The following MYO10 variants were observed in gnomAD, a reference collection of about 807,000 sequenced individuals.
MYO10 encodes the protein myosin X.
MYO10 carries 133 observed loss-of-function variants against 257.3 expected under a neutral mutation model. That is an observed-to-expected ratio of 0.52 (90% CI 0.45 to 0.60). The LOEUF is 0.60. MYO10 is among the 20% of genes least tolerant of loss of function. MYO10 has a pLI of 0.00. For synonymous variants in MYO10, 1,104 were observed against 1,028.6 expected (o/e 1.07, Z -1.40); for missense variants, 2,399 against 2,635.7 (o/e 0.91, Z 1.97).
chr5:16,806,273 G>T (rs976462321), intron 3 of MYO10, among the ~76,000 whole-genome samples: 2 of 151,068 alleles, frequency 1.3e-5, no homozygotes, highest in Non-Finnish European at 2.9e-5. Context: ...TCGGGAGGTG[G>T]AGGTTGCAGT....
intron 40 of MYO10, among the ~76,000 whole-genome samples, chr5:16,667,317 T>G: frequency 6.6e-6 from 1 of 152,278 alleles, no homozygotes; most frequent in East Asian, 1.9e-4. Flanking sequence ...CTCCTCCAGC[T>G]GGGATCTCCA....
chr5:16,694,532 G>T lies in MYO10; in HGVS notation c.3639C>A (p.Ala1213=). ...TFLWFRSKQE[A]LKQGWLHKKG... ...TTTTGTGGAGCCAGCCTTGCTTGAG[G>T]GCCTCCTGCTTGGAGCGGAACCACA... The change falls in exon 27 of 41, where the codon GCC becomes GCA. Residue 1213 remains alanine, a synonymous_variant. Coordinates refer to ENST00000513610, the MANE Select transcript of MYO10 (RefSeq NM_012334.3). 6.2e-7 allele frequency: 1 copy of T among 1,613,982 alleles called. No homozygotes were observed. Among genetic ancestry groups the T allele is most frequent in the Non-Finnish European group, 8.5e-7 (1 of 1,179,900 alleles).
chr5:16,779,244 T>G (rs535345466), intron 9 of MYO10, among the ~76,000 whole-genome samples: 53 of 151,652 alleles, frequency 3.5e-4, no homozygotes, highest in African/African-American at 1.3e-3. Flanking sequence ...ATTTGGGGGG[T>G]TTTTTGGGGG....
intron 33 of MYO10, among the ~76,000 whole-genome samples, chr5:16,679,355 C>T (rs997163478): frequency 2.0e-5 from 3 of 152,208 alleles, no homozygotes; most frequent in Non-Finnish European, 4.4e-5. Flanking sequence ...GTGCAAGCTG[C>T]AGACCTCATC....
At position 16,701,492 on chromosome 5, in the gene MYO10, G is replaced by A. The variant is rs759815897; in HGVS notation, c.2903C>T (p.Ser968Phe). Reference protein sequence around the residue: ...ERSLSVGSEFSSELAESACEE... With the variant: ...ERSLSVGSEFFSELAESACEE... The stretch of plus-strand genomic sequence containing the variant: ...GCATGCGCTCTCAGCCAGCTCGCTG[G>A]AAAATTCGCTTCCCACCGACAGGGA... The change falls in exon 25 of 41, where the codon TCC (serine) becomes TTC (phenylalanine). Residue 968 changes from serine to phenylalanine, a missense_variant. Around this residue, in one of 3 missense-constraint regions of MYO10, gnomAD observed 1,820 missense variants for 1,939.4 expected, o/e 0.94. Transcript: ENST00000513610. This position sits in a 1 kb window ranked among gnomAD's most constrained non-coding sequence, Gnocchi z 8.1. 2 of 1,613,912 alleles carry A rather than the reference G, an allele frequency of 1.2e-6. No individual in the cohort carries two copies. The highest frequency in any genetic ancestry group is 1.7e-6 in the Non-Finnish European group (2 of 1,179,876).
At chr5:16,673,399 C>A (rs1179121847) in intron 36 of MYO10, among the ~76,000 whole-genome samples, 1 of 152,138 alleles carries the variant, frequency 6.6e-6, no homozygotes, top group African/African-American at 2.4e-5. Flanking sequence ...AGTGGCTGGA[C>A]CTGAGCCAGG....
intron 9 of MYO10, among the ~76,000 whole-genome samples, chr5:16,772,646 C>A (rs946412922): frequency 6.6e-6 from 1 of 152,196 alleles, no homozygotes; most frequent in Non-Finnish European, 1.5e-5. Context: ...CATGAACATT[C>A]TATTCTATCA....
rs537047182 is a variant in MYO10 at position 16,673,984 on chromosome 5, T to C, written c.4965-95A>G. The C allele has an allele frequency of 1.3e-4, 139 of 1,070,144 alleles. No individual in the cohort carries two copies. The African/African-American group carries it at 2.0e-3, about 16-fold the overall frequency. The allele number at this position is 1,070,144 out of a possible 1,614,324, so 66.3% of individuals were successfully genotyped here. On this transcript the variant is annotated intron_variant, in intron 35 of 40. Coordinates refer to ENST00000513610, the MANE Select transcript of MYO10 (RefSeq NM_012334.3). ...GCCAAGGTTCTGTAGACCAAAGCAG[T>C]GAATGGTCCCCCACTGGTGAATGGA...
At chr5:16,677,765 C>CTT (rs10639073) in intron 33 of MYO10, among the ~76,000 whole-genome samples, 40,360 of 146,480 alleles carry the variant, frequency 0.28, 5,450 homozygotes, top group South Asian at 0.32. Context: ...CATATTTACT[C>CTT]TTTTTTTTTT....
At chr5:16,748,035 T>C (rs1219352487) in intron 19 of MYO10, among the ~76,000 whole-genome samples, 1 of 151,048 alleles carries the variant, frequency 6.6e-6, no homozygotes, top group Non-Finnish European at 1.5e-5. Context: ...AAGAAATGTG[T>C]CACATTATCA....
At chr5:16,924,961 G>C (rs1746091260) in intron 1 of MYO10, among the ~76,000 whole-genome samples, 1 of 150,782 alleles carries the variant, frequency 6.6e-6, no homozygotes, top group Non-Finnish European at 1.5e-5. Context: ...CTCCCAAATA[G>C]CTGGGACTAC....
chr5:16,710,774 G>T, intron 21 of MYO10, 134 bp downstream of exon 21: 2 of 722,180 alleles, frequency 2.8e-6, no homozygotes, highest in Non-Finnish European at 4.6e-6. Flanking sequence ...GGTTATGGTA[G>T]GCATGGCAAC....
intron 37 of MYO10, among the ~76,000 whole-genome samples, chr5:16,672,119 A>G (rs1736494886): frequency 6.6e-6 from 1 of 152,074 alleles, no homozygotes. Context: ...ACATGGCCAA[A>G]CCCCATCTGT....
At position 16,754,842 on chromosome 5, in the gene MYO10, G is replaced by C; in HGVS notation, c.1915C>G (p.Pro639Ala). 1 of 1,603,170 alleles carries C rather than the reference G, an allele frequency of 6.2e-7. No homozygotes were observed. The change falls in exon 19 of 41, where the codon CCA (proline) becomes GCA (alanine). Residue 639 changes from proline to alanine, a missense_variant. Physicochemically the swap from Pro to Ala is conservative, Grantham distance 27. This residue lies in a region of MYO10 where 1,820 missense variants were observed against 1,939.4 expected (regional missense o/e 0.94). Transcript: ENST00000513610. Reference protein sequence around the residue: ...SNPFFVRCIKPNMQKMPDQFD... With the variant: ...SNPFFVRCIKANMQKMPDQFD... The stretch of plus-strand genomic sequence containing the variant: ...ATCAATCTTACCTTCTGCATGTTTG[G>C]CTTGATACAGCGAACAAAGAAAGGA...
At chr5:16,768,931 C>T in intron 10 of MYO10, 143 bp downstream of exon 10, 1 of 1,048,744 alleles carries the variant, frequency 9.5e-7, no homozygotes, top group Non-Finnish European at 1.3e-6. Context: ...CCGCCTCCAC[C>T]TCCCAAAGTG....
chr5:16,710,118 T>C (rs1738529640), intron 21 of MYO10, among the ~76,000 whole-genome samples: 1 of 152,174 alleles, frequency 6.6e-6, no homozygotes, highest in African/African-American at 2.4e-5. Context: ...TGCACTGCTG[T>C]GTGTAAGGGC....
chr5:16,851,935 C>T (rs1272585182), intron 2 of MYO10, among the ~76,000 whole-genome samples: 3 of 151,118 alleles, frequency 2.0e-5, no homozygotes, highest in Non-Finnish European at 4.4e-5. Context: ...CCTGTAATCC[C>T]AGCTACTCAG....
intron 40 of MYO10, among the ~76,000 whole-genome samples, chr5:16,667,152 C>CA (rs1181096839): frequency 2.6e-5 from 4 of 152,198 alleles, no homozygotes; most frequent in Admixed American, 1.3e-4. Context: ...TGTGAAATGA[C>CA]AGAGTCCACA....
chr5:16,875,354 T>C (rs547085304), intron 2 of MYO10, among the ~76,000 whole-genome samples: 2 of 152,148 alleles, frequency 1.3e-5, no homozygotes, highest in East Asian at 1.9e-4. Context: ...GACAGAAAAA[T>C]GTGGCCAGTC....
Sources: gnomAD v4.1 joint callset for allele counts (sites outside exome capture counted in the v4.1 genomes callset) on GRCh38, gnomAD v4.1.1 for gene constraint, gnomAD v4.1.1 regional missense constraint, Gnocchi (gnomAD v3.1) non-coding constraint, MANE v1.5 for transcripts, NCBI Gene and HGNC (gene_info 2026-07-23, HGNC 2026-07-21) for gene names.